The following CTDSPL variants were observed in gnomAD, a reference collection of about 807,000 sequenced individuals.
The protein encoded by CTDSPL is CTD small phosphatase-like protein.
Under a neutral mutation model 30.5 loss-of-function variants are expected in CTDSPL, and 8 were observed. The ratio of observed to expected loss-of-function variants is 0.26; its 90% CI spans 0.15 to 0.47. The LOEUF is 0.47. Among genes scored for constraint, CTDSPL ranks in the 20% least tolerant of loss-of-function variants. The pLI, the probability that CTDSPL is intolerant of heterozygous loss-of-function variation, is 0.99. For missense variants in CTDSPL, 248 were observed against 366.1 expected, an observed-to-expected ratio of 0.68 and a Z score of 2.63; for synonymous variants, 110 against 137.9, an observed-to-expected ratio of 0.80 and a Z score of 1.42.
chr3:37,871,900 A>G (rs986556159), intron 1 of CTDSPL, among the ~76,000 whole-genome samples: 95 of 152,068 alleles, frequency 6.2e-4, no homozygotes, highest in African/African-American at 2.1e-3. Flanking sequence ...CTAGTCTGTT[A>G]TTGAGCACAT....
rs180796763 is a variant in CTDSPL at position 37,955,883 on chromosome 3, G to T, written c.235-1228G>T. Among the ~76,000 whole-genome samples, 840 of 152,296 alleles carry T rather than the reference G, an allele frequency of 5.5e-3. 29 individuals are homozygous for T. The highest frequency in any genetic ancestry group is 0.049 in the Admixed American group (750 of 15,296). On this transcript the variant is annotated intron_variant, in intron 2 of 7. Coordinates refer to ENST00000273179, the MANE Select transcript of CTDSPL (RefSeq NM_001008392.2). ...AGTATGTCCTCCGCCAAGTATGTCT[G>T]TAGGGGCAGTGACCTACTCTTGAGT...
rs961987984 is a variant in CTDSPL, at chr3:37,975,624, AC to A, written c.520-84del. The A allele has an allele frequency of 4.0e-6, 5 of 1,239,132 alleles. No homozygotes were observed. The highest frequency in any genetic ancestry group is 5.6e-6 in the Non-Finnish European group (5 of 892,796). 76.8% of individuals were successfully genotyped at this position (1,239,132 alleles called of 1,614,324 possible). A position where few individuals can be genotyped will look rare whatever the true frequency, so the allele number is the denominator to read the frequency against. ...TAATTATTAAATCCATTTTTAAAAA[AC>A]GTAATCTGGATCTTGCTGCTGTAGT... On this transcript the variant is annotated intron_variant, in intron 6 of 7. Transcript: ENST00000273179. The surrounding 1 kb of genome is among the most constrained non-coding windows in gnomAD (Gnocchi z 4.9).
chr3:37,894,606 A>G (rs932988761), intron 1 of CTDSPL, among the ~76,000 whole-genome samples: 1 of 152,190 alleles, frequency 6.6e-6, no homozygotes, highest in Admixed American at 6.5e-5. Context: ...TTAAATCTGT[A>G]AATTTAAAGA....
At chr3:37,930,506 G>C (rs1188586784) in intron 1 of CTDSPL, among the ~76,000 whole-genome samples, 2 of 151,936 alleles carry the variant, frequency 1.3e-5, no homozygotes, top group African/African-American at 4.8e-5. Flanking sequence ...ATGAGGTCTT[G>C]CTGTGTTTCC....
chr3:37,870,002 A>G (rs1460894770), intron 1 of CTDSPL, among the ~76,000 whole-genome samples: 3 of 151,928 alleles, frequency 2.0e-5, no homozygotes, highest in Non-Finnish European at 4.4e-5. Context: ...GATGAATTCT[A>G]TTTGCTAATA....
intron 1 of CTDSPL, among the ~76,000 whole-genome samples, chr3:37,892,703 C>T (rs1198506928): frequency 6.6e-6 from 1 of 152,096 alleles, no homozygotes; most frequent in Non-Finnish European, 1.5e-5. Context: ...TGACCATAAG[C>T]AGTTCATTTA....
rs78245739 is a variant in CTDSPL at position 37,981,147 on chromosome 3, G to C, written c.*280G>C. ...AAAAATAGAAAAAAAAAAAAAAAAA[G>C]CTTGATCTCTATCAGACTTCCTTTC... On this transcript the variant is annotated 3_prime_UTR_variant, in exon 8 of 8. Coordinates refer to ENST00000273179, the MANE Select transcript of CTDSPL (RefSeq NM_001008392.2). 5.3e-6 allele frequency: 1 copy of C among 190,222 alleles called. No homozygotes were observed. The highest frequency in any genetic ancestry group is 1.0e-5 in the Non-Finnish European group (1 of 98,246). 11.8% of individuals were successfully genotyped at this position (190,222 alleles called of 1,614,324 possible). A position where few individuals can be genotyped will look rare whatever the true frequency, so the allele number is the denominator to read the frequency against.
chr3:37,967,549 C>T (rs1699311937), intron 4 of CTDSPL, among the ~76,000 whole-genome samples: 2 of 152,228 alleles, frequency 1.3e-5, no homozygotes, highest in Admixed American at 6.5e-5. Flanking sequence ...TTTCAGGAGC[C>T]CCATCCTCTA....
chr3:37,880,149 A>G (rs1348147008), intron 1 of CTDSPL, among the ~76,000 whole-genome samples: 3 of 149,212 alleles, frequency 2.0e-5, no homozygotes, highest in Non-Finnish European at 4.4e-5. Context: ...ATATATATAT[A>G]TATCTTATTT....
At chr3:37,921,512 A>G (rs962759787) in intron 1 of CTDSPL, among the ~76,000 whole-genome samples, 1 of 152,180 alleles carries the variant, frequency 6.6e-6, no homozygotes, top group African/African-American at 2.4e-5. Context: ...CCCTGAGGAC[A>G]GGAACAGTTC....
At chr3:37,883,789 CTCTT>C (rs373174695) in intron 1 of CTDSPL, among the ~76,000 whole-genome samples, 1,608 of 152,266 alleles carry the variant, frequency 0.011, 35 homozygotes, top group South Asian at 0.079. Flanking sequence ...TTCAGATCTT[CTCTT>C]TCTTCTTGTA....
intron 1 of CTDSPL, among the ~76,000 whole-genome samples, chr3:37,872,264 T>G (rs1010665028): frequency 6.6e-6 from 1 of 152,252 alleles, no homozygotes; most frequent in African/African-American, 2.4e-5. Context: ...TCATGGCTGC[T>G]TTAAAATCTT....
chr3:37,944,527 G>A (rs73058952), intron 1 of CTDSPL, among the ~76,000 whole-genome samples: 6,110 of 150,076 alleles, frequency 0.041, 428 homozygotes, highest in African/African-American at 0.064. Context: ...GAGCACCCAC[G>A]TCTGGAGCCC....
At chr3:37,978,955 A>G (rs1408266231) in intron 7 of CTDSPL, among the ~76,000 whole-genome samples, 16 of 152,174 alleles carry the variant, frequency 1.1e-4, no homozygotes, top group Non-Finnish European at 2.9e-5. Flanking sequence ...TTACGTTTTT[A>G]TGTAACTTCT....
Position 37,914,873 on chromosome 3 carries a change from C to CTTTTTTTTT in CTDSPL, c.80-32167_80-32159dup, listed in dbSNP as rs11304152. 2.0e-4 allele frequency among the ~76,000 whole-genome samples: 10 copies of CTTTTTTTTT among 51,280 alleles called. 2 individuals carry two copies. Among genetic ancestry groups the CTTTTTTTTT allele is most frequent in the Non-Finnish European group, 2.5e-4 (7 of 28,020 alleles). 33.6% of individuals were successfully genotyped at this position (51,280 alleles called of 152,430 possible). A position where few individuals can be genotyped will look rare whatever the true frequency, so the allele number is the denominator to read the frequency against. ...AGAGTTTATATAAGATATATATGTT[C>CTTTTTTTTT]TTTTTTTTTTTTTTTTTTTTTTTTT... On this transcript the variant is annotated intron_variant, in intron 1 of 7. Coordinates refer to ENST00000273179, the MANE Select transcript of CTDSPL (RefSeq NM_001008392.2).
At chr3:37,916,452 T>C (rs1698648056) in intron 1 of CTDSPL, among the ~76,000 whole-genome samples, 1 of 152,174 alleles carries the variant, frequency 6.6e-6, no homozygotes, top group Non-Finnish European at 1.5e-5. Flanking sequence ...CAAATGTAAG[T>C]AGTTAAGGTA....
At chr3:37,912,575 G>A (rs1371256384) in intron 1 of CTDSPL, among the ~76,000 whole-genome samples, 1 of 152,180 alleles carries the variant, frequency 6.6e-6, no homozygotes, top group Non-Finnish European at 1.5e-5. Context: ...TGCGGTACTG[G>A]GGACGTGGGA....
chr3:37,947,313 G>T, intron 2 of CTDSPL, 102 bp downstream of exon 2: 1 of 1,374,328 alleles, frequency 7.3e-7, no homozygotes, highest in Non-Finnish European at 9.9e-7. Context: ...AGAGCCAGGC[G>T]TGGTGGCTCA....
At chr3:37,970,674 C>G (rs777208953) in intron 5 of CTDSPL, among the ~76,000 whole-genome samples, 1 of 152,174 alleles carries the variant, frequency 6.6e-6, no homozygotes. Context: ...ACTGCTACCC[C>G]CTGGCCTGGC....
Sources: gnomAD v4.1 joint callset for allele counts (sites outside exome capture counted in the v4.1 genomes callset) on GRCh38, gnomAD v4.1.1 for gene constraint, Gnocchi (gnomAD v3.1) non-coding constraint, MANE v1.5 for transcripts, NCBI Gene and HGNC (gene_info 2026-07-23, HGNC 2026-07-21) for gene names.